HS2ST1: variants seen among roughly 807,000 people sequenced by gnomAD.
HS2ST1 encodes the protein heparan sulfate 2-O-sulfotransferase 1, also known as 2-O-sulfotransferase.
HS2ST1 carries 18 observed loss-of-function variants against 42.9 expected under a neutral mutation model. That is an observed-to-expected ratio of 0.42 (90% CI 0.29 to 0.62). The LOEUF (loss-of-function observed/expected upper bound fraction) is 0.62. Among genes scored for constraint, HS2ST1 ranks in the 20% least tolerant of loss-of-function variants. The pLI is 0.21. For synonymous variants in HS2ST1, 146 were observed against 152.9 expected, an observed-to-expected ratio of 0.95 and a Z score of 0.33; for missense variants, 334 against 433.8, an observed-to-expected ratio of 0.77 and a Z score of 2.04.
chr1:87,016,866 T>G (rs956498172), intron 1 of HS2ST1, among the ~76,000 whole-genome samples: 14 of 10,076 alleles, frequency 1.4e-3, no homozygotes, highest in Non-Finnish European at 2.8e-3. Context: ...GTTATTGGGT[T>G]TTTTTTTTTC....
intron 1 of HS2ST1, among the ~76,000 whole-genome samples, chr1:86,976,631 G>T (rs1204371597): frequency 7.0e-6 from 1 of 142,842 alleles, no homozygotes; most frequent in Non-Finnish European, 1.5e-5. Context: ...CTATGAAAAA[G>T]AATTTCTTTG....
At position 87,109,305 on chromosome 1, in the gene HS2ST1, A is replaced by G. The variant is rs974704369; in HGVS notation, c.*4609A>G. On this transcript the variant is annotated 3_prime_UTR_variant, in exon 7 of 7. Transcript: ENST00000370550. Reference sequence around the variant, plus strand: ...TAGTGTTGCCATCAAGAAAGCATGCAACATCATTGGTTTCTAATGATTTTA... The same window carrying G: ...TAGTGTTGCCATCAAGAAAGCATGCGACATCATTGGTTTCTAATGATTTTA... The G allele has an allele frequency of 6.6e-6, 1 of 152,168 alleles. No homozygotes were observed. Among genetic ancestry groups the G allele is most frequent in the Admixed American group, 6.6e-5 (1 of 15,252 alleles). The allele number at this position is 152,168 out of a possible 1,614,324, so 9.4% of individuals were successfully genotyped here. A position where few individuals can be genotyped will look rare whatever the true frequency, so the allele number is the denominator to read the frequency against.
intron 1 of HS2ST1, among the ~76,000 whole-genome samples, chr1:87,067,991 C>CA (rs1205428051): frequency 1.3e-5 from 2 of 151,928 alleles, no homozygotes; most frequent in Non-Finnish European, 2.9e-5. Context: ...AGTTTGAAGT[C>CA]GGTAGCGTGA....
chr1:87,106,627 C>T lies in HS2ST1; in HGVS notation c.*1931C>T, dbSNP rs1270071649. On this transcript the variant is annotated 3_prime_UTR_variant, in exon 7 of 7. Coordinates refer to ENST00000370550, the MANE Select transcript of HS2ST1 (RefSeq NM_012262.4). The stretch of plus-strand genomic sequence containing the variant: ...AATGACAGAACAATCATCTTAGCAC[C>T]CTTTCCTCACAATAATATAAAAATA... The T allele has an allele frequency of 2.6e-5, 4 of 151,910 alleles. No individual in the cohort carries two copies. The highest frequency in any genetic ancestry group is 9.7e-5 in the African/African-American group (4 of 41,398). The allele number at this position is 151,910 out of a possible 1,614,324, so 9.4% of individuals were successfully genotyped here. A position where few individuals can be genotyped will look rare whatever the true frequency, so the allele number is the denominator to read the frequency against.
chr1:86,970,303 A>T (rs1243745597), intron 1 of HS2ST1, among the ~76,000 whole-genome samples: 1 of 152,242 alleles, frequency 6.6e-6, no homozygotes, highest in Non-Finnish European at 1.5e-5. Flanking sequence ...CAGTGCTGGG[A>T]AGAATCCACA....
chr1:86,963,918 CGG>C, intron 1 of HS2ST1, among the ~76,000 whole-genome samples: 1 of 150,568 alleles, frequency 6.6e-6, no homozygotes, highest in Non-Finnish European at 1.5e-5. Context: ...ACCTCCCGGA[CGG>C]GGCGGCTGCT....
intron 1 of HS2ST1, among the ~76,000 whole-genome samples, chr1:87,002,511 C>T (rs1570476254): frequency 6.6e-6 from 1 of 151,680 alleles, no homozygotes; most frequent in Non-Finnish European, 1.5e-5. Context: ...GGGAGGATCA[C>T]CCAAGCCTGG....
chr1:86,988,109 A>G (rs1648843514), intron 1 of HS2ST1, among the ~76,000 whole-genome samples: 1 of 152,220 alleles, frequency 6.6e-6, no homozygotes, highest in Admixed American at 6.5e-5. Flanking sequence ...TTTCAGTTAC[A>G]TCAAGAAGAT....
intron 1 of HS2ST1, among the ~76,000 whole-genome samples, chr1:86,965,245 C>T (rs537507830): frequency 2.0e-4 from 31 of 152,026 alleles, no homozygotes; most frequent in Non-Finnish European, 4.0e-4. Context: ...GTTCCTTCAC[C>T]TTACCCTGCT....
intron 1 of HS2ST1, among the ~76,000 whole-genome samples, chr1:86,950,281 G>T (rs1032282567): frequency 2.0e-5 from 3 of 152,144 alleles, no homozygotes; most frequent in African/African-American, 7.2e-5. Context: ...TTCTAAATAG[G>T]AAATCTTCAT....
At chr1:86,952,580 G>T (rs929691678) in intron 1 of HS2ST1, among the ~76,000 whole-genome samples, 8 of 152,120 alleles carry the variant, frequency 5.3e-5, no homozygotes, top group Admixed American at 5.2e-4. Flanking sequence ...CTGATGCATG[G>T]GTTGCAGAAT....
At chr1:87,055,554 GT>G (rs1323906050) in intron 1 of HS2ST1, among the ~76,000 whole-genome samples, 27 of 152,170 alleles carry the variant, frequency 1.8e-4, no homozygotes, top group Non-Finnish European at 3.8e-4. Context: ...CATTGTAGAA[GT>G]CCCGCGTGGG....
chr1:87,061,379 C>T (rs1421272417), intron 1 of HS2ST1, among the ~76,000 whole-genome samples: 3 of 152,002 alleles, frequency 2.0e-5, no homozygotes, highest in African/African-American at 4.8e-5. Flanking sequence ...ACCCCATCAC[C>T]GTTAATCGGG....
intron 1 of HS2ST1, chr1:86,934,800 CACCT>C: frequency 6.6e-6 from 1 of 151,916 alleles, no homozygotes; most frequent in Middle Eastern, 3.1e-3. Flanking sequence ...TGGTGGCGGG[CACCT>C]GTATTCCCAG....
intron 1 of HS2ST1, among the ~76,000 whole-genome samples, chr1:86,976,750 A>ATT (rs138994353): frequency 2.6e-5 from 3 of 114,502 alleles, no homozygotes; most frequent in African/African-American, 9.1e-5. Context: ...CCTGCTGCCC[A>ATT]TTTTTTTTTT....
chr1:87,003,393 T>G (rs1439201455), intron 1 of HS2ST1, among the ~76,000 whole-genome samples: 1 of 152,240 alleles, frequency 6.6e-6, no homozygotes, highest in African/African-American at 2.4e-5. Context: ...TTTGAATGTA[T>G]ACAGTATTCA....
intron 6 of HS2ST1, 114 bp from the exon 7 acceptor site, chr1:87,104,356 G>T: frequency 1.5e-6 from 1 of 682,610 alleles, no homozygotes; most frequent in Admixed American, 2.7e-5. Context: ...AGACAATTAT[G>T]TTACCTGTTC....
intron 1 of HS2ST1, among the ~76,000 whole-genome samples, chr1:86,959,631 C>A (rs529017577): frequency 6.6e-6 from 1 of 152,250 alleles, no homozygotes; most frequent in African/African-American, 2.4e-5. Context: ...GCTCTCCAGC[C>A]TGGGTGACAG....
At chr1:86,940,243 G>A (rs981661810) in intron 1 of HS2ST1, among the ~76,000 whole-genome samples, 11 of 152,124 alleles carry the variant, frequency 7.2e-5, no homozygotes, top group Non-Finnish European at 1.5e-5. Context: ...GCATGGTGGT[G>A]TGTGCCTATA....
Sources: gnomAD v4.1 joint callset for allele counts (sites outside exome capture counted in the v4.1 genomes callset) on GRCh38, gnomAD v4.1.1 for gene constraint, MANE v1.5 for transcripts, NCBI Gene and HGNC (gene_info 2026-07-23, HGNC 2026-07-21) for gene names.